Variants in EXOC6B observed in about 807,000 individuals in gnomAD.
EXOC6B encodes SEC15 homolog B.
Under a neutral mutation model 113.5 loss-of-function variants are expected in EXOC6B, and 54 were observed. The ratio of observed to expected loss-of-function variants is 0.48; its 90% confidence interval spans 0.38 to 0.60. The LOEUF (loss-of-function observed/expected upper bound fraction) is 0.60, where lower values mean the gene tolerates loss of function less well. Among genes scored for constraint, EXOC6B ranks in the 20% least tolerant of loss-of-function variants. The probability of loss-of-function intolerance (pLI) is 0.00; values close to 1 mark genes in which losing one functional copy is unlikely to be tolerated. For synonymous variants in EXOC6B, 357 were observed against 339.0 expected (o/e 1.05, Z -0.58); for missense variants, 797 against 977.5 (o/e 0.82, Z 2.46).
intron 5 of EXOC6B, among the ~76,000 whole-genome samples, chr2:72,728,559 A>T: frequency 6.6e-6 from 1 of 152,166 alleles, no homozygotes; most frequent in Non-Finnish European, 1.5e-5. Context: ...TACTCATGTT[A>T]TATACTCATA....
At chr2:72,666,824 A>ACAC (rs376270262) in intron 6 of EXOC6B, among the ~76,000 whole-genome samples, 15,461 of 135,162 alleles carry the variant, frequency 0.11, 1,310 homozygotes, top group East Asian at 0.29. Context: ...CACACACACA[A>ACAC]AGAAATGCCT....
chr2:72,201,673 T>C (rs1679504773), intron 20 of EXOC6B, among the ~76,000 whole-genome samples: 1 of 152,236 alleles, frequency 6.6e-6, no homozygotes, highest in African/African-American at 2.4e-5. Flanking sequence ...ATTTCTTCTC[T>C]GAATTGTAAT....
At chr2:72,293,059 T>C (rs578061748) in intron 20 of EXOC6B, among the ~76,000 whole-genome samples, 7 of 152,300 alleles carry the variant, frequency 4.6e-5, no homozygotes, top group Admixed American at 1.3e-4. Context: ...AGAAGTGGAA[T>C]TGCTGATTTG....
At chr2:72,469,678 T>G (rs1698275322) in intron 17 of EXOC6B, among the ~76,000 whole-genome samples, 1 of 152,100 alleles carries the variant, frequency 6.6e-6, no homozygotes, top group Non-Finnish European at 1.5e-5. Flanking sequence ...GATGTTCTAT[T>G]GCCTAGAACA....
chr2:72,222,670 C>A (rs1157889825), intron 20 of EXOC6B, among the ~76,000 whole-genome samples: 1 of 152,014 alleles, frequency 6.6e-6, no homozygotes, highest in Non-Finnish European at 1.5e-5. Flanking sequence ...TGGTACTAGG[C>A]TGTTTTAGAG....
At chr2:72,295,229 CAAAA>C (rs547104239) in intron 20 of EXOC6B, among the ~76,000 whole-genome samples, 7 of 78,910 alleles carry the variant, frequency 8.9e-5, no homozygotes, top group African/African-American at 2.1e-4. Context: ...GACTCCATCT[CAAAA>C]AAAAAAAAAA....
chr2:72,382,936 C>T (rs572993828), intron 18 of EXOC6B, among the ~76,000 whole-genome samples: 1 of 152,114 alleles, frequency 6.6e-6, no homozygotes, highest in East Asian at 1.9e-4. Flanking sequence ...GGCAGAGTAG[C>T]CATATGCAGA....
intron 2 of EXOC6B, among the ~76,000 whole-genome samples, chr2:72,734,693 T>A (rs1023397898): frequency 2.6e-5 from 4 of 152,194 alleles, no homozygotes; most frequent in Non-Finnish European, 5.9e-5. Flanking sequence ...TGGTCTAGAA[T>A]AAACGTGATG....
At chr2:72,451,654 CTGTGTGTGTGTGTGTG>C (rs141514102) in intron 18 of EXOC6B, among the ~76,000 whole-genome samples, 2 of 142,496 alleles carry the variant, frequency 1.4e-5, no homozygotes, top group Non-Finnish European at 3.1e-5. Context: ...GTCTTTGTGC[CTGTGTGTGTGTGTGTG>C]TGTGTGTGTG....
chr2:72,281,206 G>A (rs570749921), intron 20 of EXOC6B, among the ~76,000 whole-genome samples: 15 of 152,176 alleles, frequency 9.9e-5, no homozygotes, highest in Non-Finnish European at 1.9e-4. Flanking sequence ...CAAAGTTCCT[G>A]AATGTATTGA....
intron 8 of EXOC6B, among the ~76,000 whole-genome samples, chr2:72,550,456 C>A (rs564352684): frequency 1.3e-5 from 2 of 152,256 alleles, no homozygotes; most frequent in East Asian, 3.9e-4. Flanking sequence ...AACATACATT[C>A]TCCAGAAAAT....
chr2:72,634,186 T>C lies in EXOC6B; in HGVS notation c.670-58518A>G, dbSNP rs112562335. 2.4e-4 allele frequency among the ~76,000 whole-genome samples: 36 copies of C among 152,308 alleles called. 3 individuals are homozygous for C. The highest frequency in any genetic ancestry group is 7.9e-4 in the African/African-American group (33 of 41,564). On this transcript the variant is annotated intron_variant, in intron 6 of 21. Coordinates refer to ENST00000272427, the MANE Select transcript of EXOC6B (RefSeq NM_015189.3). ...ACTAGTAAGATACAGGCAGCTTTCA[T>C]GTTGAGAAACTACAGCCCATGACTT...
At chr2:72,256,422 AG>A (rs1232778379) in intron 20 of EXOC6B, among the ~76,000 whole-genome samples, 3 of 152,236 alleles carry the variant, frequency 2.0e-5, no homozygotes, top group Non-Finnish European at 4.4e-5. Context: ...TCATAGAAAA[AG>A]CATGAAATAG....
At position 72,823,474 on chromosome 2, in the gene EXOC6B, A is replaced by AC. The variant is rs1262847925; in HGVS notation, c.113+2323_113+2324insG. On this transcript the variant is annotated intron_variant, in intron 1 of 21. Coordinates refer to ENST00000272427, the MANE Select transcript of EXOC6B (RefSeq NM_015189.3). ...AAAGTTTTAAGAAAAAAAAAAAAAA[A>AC]AAAACAAAAAACAAAAAAAAAGACA... Among the ~76,000 whole-genome samples, 15 of 116,816 alleles carry AC rather than the reference A, an allele frequency of 1.3e-4. 2 individuals carry two copies. Among genetic ancestry groups the AC allele is most frequent in the African/African-American group, 4.0e-4 (12 of 30,240 alleles). 76.6% of individuals were successfully genotyped at this position (116,816 alleles called of 152,430 possible).
At position 72,428,232 on chromosome 2, in the gene EXOC6B, AAC is replaced by A. The variant is rs558862941; in HGVS notation, c.1980+36926_1980+36927del. 9.2e-4 allele frequency among the ~76,000 whole-genome samples: 140 copies of A among 152,316 alleles called. 3 individuals are homozygous for A. The highest frequency in any genetic ancestry group is 3.4e-3 in the Middle Eastern group (1 of 294). ...AGAGCTGTAACACAAACAGGGCTGA[AAC>A]ACACCCCTTGTTCGCCACGTTCCAG... On this transcript the variant is annotated intron_variant, in intron 18 of 21. Coordinates refer to ENST00000272427, the MANE Select transcript of EXOC6B (RefSeq NM_015189.3).
chr2:72,277,857 A>G (rs866893464), intron 20 of EXOC6B, among the ~76,000 whole-genome samples: 51 of 150,752 alleles, frequency 3.4e-4, no homozygotes, highest in African/African-American at 1.2e-3. Flanking sequence ...ATTTTTTTTT[A>G]TATAAAATTA....
Position 72,479,363 on chromosome 2 carries a change from A to G in EXOC6B, c.1800+1253T>C, listed in dbSNP as rs75586279. Among the ~76,000 whole-genome samples, 44 of 152,348 alleles carry G rather than the reference A, an allele frequency of 2.9e-4. 1 individual carries two copies. In the East Asian group the frequency reaches 6.9e-3, roughly 24 times the overall value. On this transcript the variant is annotated intron_variant, in intron 17 of 21. Coordinates refer to ENST00000272427, the MANE Select transcript of EXOC6B (RefSeq NM_015189.3). Reference sequence around the variant, plus strand: ...AAAATTTTTATCTGTCATAAAGTATAATAGCAGTATGAATCAAATTTCATT... The same window carrying G: ...AAAATTTTTATCTGTCATAAAGTATGATAGCAGTATGAATCAAATTTCATT...
intron 20 of EXOC6B, among the ~76,000 whole-genome samples, chr2:72,322,842 A>G (rs532225270): frequency 1.3e-5 from 2 of 152,312 alleles, no homozygotes; most frequent in Non-Finnish European, 2.9e-5. Context: ...AATTAACTCA[A>G]GCTGGATTAA....
intron 6 of EXOC6B, among the ~76,000 whole-genome samples, chr2:72,583,714 TTTTTTG>T (rs772203974): frequency 1.4e-5 from 2 of 144,568 alleles, no homozygotes; most frequent in African/African-American, 5.7e-5. Flanking sequence ...TTCTCTGGTT[TTTTTTG>T]TTTTTGTTTT....
Sources: gnomAD v4.1 joint callset for allele counts (sites outside exome capture counted in the v4.1 genomes callset) on GRCh38, gnomAD v4.1.1 for gene constraint, MANE v1.5 for transcripts, NCBI Gene and HGNC (gene_info 2026-07-23, HGNC 2026-07-21) for gene names.